Variants in DNAI7 observed in about 807,000 individuals in gnomAD.
DNAI7 encodes cancer susceptibility 1.
Under a neutral mutation model 86.6 loss-of-function variants are expected in DNAI7, and 78 were observed. The observed-to-expected ratio is 0.90, with a 90% CI of 0.75 to 1.09. The LOEUF (loss-of-function observed/expected upper bound fraction) is 1.09, where lower values mean the gene tolerates loss of function less well. Ranked by LOEUF, DNAI7 falls within the 50% of genes least tolerant of loss-of-function variation. DNAI7 has a pLI of 0.00. For missense variants in DNAI7, 753 were observed against 810.2 expected, an observed-to-expected ratio of 0.93 and a Z score of 0.86; for synonymous variants, 274 against 273.0, an observed-to-expected ratio of 1.00 and a Z score of -0.04.
At chr12:25,166,268 C>T (rs1947452625) in intron 2 of DNAI7, among the ~76,000 whole-genome samples, 1 of 152,210 alleles carries the variant, frequency 6.6e-6, no homozygotes, top group Admixed American at 6.5e-5. Context: ...ACAAGGTTTA[C>T]AGGTTAGTTC....
chr12:25,158,714 G>T, intron 3 of DNAI7, 151 bp from the exon 4 acceptor site: 1 of 1,479,530 alleles, frequency 6.8e-7, no homozygotes, highest in South Asian at 1.3e-5. Context: ...AAAAGTGTCA[G>T]TTCTCCTTTC....
chr12:25,180,086 A>G (rs1949359850), intron 2 of DNAI7, among the ~76,000 whole-genome samples: 1 of 152,264 alleles, frequency 6.6e-6, no homozygotes, highest in Non-Finnish European at 1.5e-5. Context: ...AAACGACTTC[A>G]GTAAAGTTTC....
chr12:25,165,240 C>T (rs1448065866), intron 2 of DNAI7, among the ~76,000 whole-genome samples: 2 of 152,168 alleles, frequency 1.3e-5, no homozygotes, highest in South Asian at 2.1e-4. Flanking sequence ...TAATTAACCT[C>T]GCCTTCAAGG....
rs1401513446 is a variant in DNAI7 at position 25,114,778 on chromosome 12, TA to T, written c.1488del (p.Thr497ProfsTer2). The T allele has an allele frequency of 6.2e-7, 1 of 1,614,062 alleles. No individual in the cohort carries two copies. The highest frequency in any genetic ancestry group is 8.5e-7 in the Non-Finnish European group (1 of 1,179,942). The part of the protein sequence containing the change: ...VTFSLDTFGP[V>X]TLIQDAHINM... ...TTAATATGAGCATCTTGAATCAAGGTAACAGGGCCAAAGGTGTCCAGGCTGA... is the reference window on the plus strand; with the variant it reads ...TTAATATGAGCATCTTGAATCAAGGTACAGGGCCAAAGGTGTCCAGGCTGA... On this transcript the variant is annotated frameshift_variant, in exon 13 of 16. Coordinates refer to ENST00000395987, the MANE Select transcript of DNAI7 (RefSeq NM_018272.5). LOFTEE classifies it high-confidence loss of function.
At chr12:25,173,858 T>G in intron 2 of DNAI7, among the ~76,000 whole-genome samples, 2 of 125,744 alleles carry the variant, frequency 1.6e-5, no homozygotes, top group Non-Finnish European at 3.3e-5. Context: ...ACATCATATG[T>G]ATACCACATC....
intron 2 of DNAI7, among the ~76,000 whole-genome samples, chr12:25,179,865 C>G (rs891072050): frequency 1.1e-4 from 16 of 152,088 alleles, no homozygotes; most frequent in African/African-American, 3.9e-4. Flanking sequence ...TGAAAGCATT[C>G]CCCCTAAGAA....
intron 3 of DNAI7, among the ~76,000 whole-genome samples, chr12:25,159,304 T>C (rs1414006287): frequency 6.6e-6 from 1 of 152,136 alleles, no homozygotes; most frequent in Non-Finnish European, 1.5e-5. Flanking sequence ...GTTTTTGACC[T>C]GCCAGGGTCT....
In DNAI7 at chr12:25,174,729, T is replaced by C. The variant is rs61910902; in HGVS notation, c.22-13532A>G. Among the ~76,000 whole-genome samples, 68 of 108,728 alleles carry C rather than the reference T, an allele frequency of 6.3e-4. 5 individuals carry two copies. Among genetic ancestry groups the C allele is most frequent in the Non-Finnish European group, 6.9e-4 (36 of 52,234 alleles). 71.3% of individuals were successfully genotyped at this position (108,728 alleles called of 152,430 possible). On this transcript the variant is annotated intron_variant, in intron 2 of 15. Transcript: ENST00000395987. ...ATACATATGGAATATATATATCATATATATATGGAATATATATATCATATA... is the reference window on the plus strand; with the variant it reads ...ATACATATGGAATATATATATCATACATATATGGAATATATATATCATATA...
chr12:25,190,809 T>C (rs548970743), intron 1 of DNAI7, among the ~76,000 whole-genome samples, 178 bp from the exon 2 acceptor site: 1 of 152,316 alleles, frequency 6.6e-6, no homozygotes, highest in South Asian at 2.1e-4. Context: ...TAAAATGCTT[T>C]TTTAAAAAGA....
chr12:25,194,284 C>T (rs931986856), intron 1 of DNAI7, among the ~76,000 whole-genome samples: 3 of 152,146 alleles, frequency 2.0e-5, no homozygotes, highest in Non-Finnish European at 4.4e-5. Context: ...AGTTGTAAAG[C>T]TGTATTGTAA....
intron 12 of DNAI7, among the ~76,000 whole-genome samples, chr12:25,118,366 C>CT (rs1274851237): frequency 1.3e-5 from 2 of 151,226 alleles, no homozygotes; most frequent in Non-Finnish European, 3.0e-5. Flanking sequence ...TGGGATCAAG[C>CT]TATTCTCCTG....
chr12:25,134,502 A>G (rs1021971590), intron 9 of DNAI7, among the ~76,000 whole-genome samples: 2 of 151,794 alleles, frequency 1.3e-5, no homozygotes, highest in African/African-American at 4.8e-5. Context: ...GATTACAGGC[A>G]CATGCCACCA....
At chr12:25,177,173 G>A (rs1219469612) in intron 2 of DNAI7, among the ~76,000 whole-genome samples, 1 of 152,082 alleles carries the variant, frequency 6.6e-6, no homozygotes, top group African/African-American at 2.4e-5. Context: ...AAAGTTCTGG[G>A]ATTACAGGTG....
At position 25,135,546 on chromosome 12, in the gene DNAI7, C is replaced by T. The variant is rs1008125104; in HGVS notation, c.1002+8819G>A. On this transcript the variant is annotated intron_variant, in intron 9 of 15. Coordinates refer to ENST00000395987, the MANE Select transcript of DNAI7 (RefSeq NM_018272.5). ...CAAGCACAGAAGCCACAGAGGGCAG[C>T]GGGGAGGGCAGGGCAGCAAAAGCCC... Among the ~76,000 whole-genome samples the T allele has an allele frequency of 9.9e-5, 15 of 152,142 alleles. 1 individual carries two copies. In the East Asian group the frequency reaches 1.7e-3, roughly 18 times the overall value.
chr12:25,189,205 T>TA (rs1434594053), intron 2 of DNAI7, among the ~76,000 whole-genome samples: 24 of 152,228 alleles, frequency 1.6e-4, no homozygotes, highest in Admixed American at 3.9e-4. Flanking sequence ...GAATTTCTAC[T>TA]ATGTGCCAGG....
intron 2 of DNAI7, among the ~76,000 whole-genome samples, chr12:25,170,965 T>C (rs1410841322): frequency 1.3e-5 from 2 of 152,156 alleles, no homozygotes; most frequent in African/African-American, 2.4e-5. Flanking sequence ...ACCTCTGGGA[T>C]ACAGCAAAGA....
intron 2 of DNAI7, among the ~76,000 whole-genome samples, chr12:25,180,571 G>T (rs867672953): frequency 2.0e-5 from 3 of 152,146 alleles, no homozygotes; most frequent in South Asian, 2.1e-4. Context: ...AAATAACATG[G>T]TATTGGTATA....
intron 9 of DNAI7, among the ~76,000 whole-genome samples, chr12:25,140,846 C>G (rs1285143035): frequency 6.6e-6 from 1 of 152,114 alleles, no homozygotes; most frequent in Non-Finnish European, 1.5e-5. Flanking sequence ...CAGCATGGTA[C>G]TGGTATAAAA....
rs1417737791 is a variant in DNAI7, at chr12:25,114,782, A to G, written c.1485T>C (p.Pro495=). The G allele has an allele frequency of 6.2e-7, 1 of 1,614,068 alleles. No individual in the cohort carries two copies. The highest frequency in any genetic ancestry group is 8.5e-7 in the Non-Finnish European group (1 of 1,179,944). Residue 495 remains proline, a synonymous_variant, in exon 13 of 16, where the codon CCT becomes CCC. Transcript: ENST00000395987. ...LVTFSLDTFG[P]VTLIQDAHIN... is the part of the protein sequence containing the mutation. ...TATGAGCATCTTGAATCAAGGTAAC[A>G]GGGCCAAAGGTGTCCAGGCTGAATG...
Sources: allele counts gnomAD v4.1 joint callset (sites outside exome capture counted in the v4.1 genomes callset), GRCh38; gene constraint gnomAD v4.1.1; transcripts MANE v1.5; gene names NCBI Gene and HGNC (gene_info 2026-07-23, HGNC 2026-07-21).